Variants in NFX1 observed in about 807,000 individuals in gnomAD.
NFX1 encodes the protein nuclear transcription factor, X-box binding 1.
NFX1 carries 69 observed loss-of-function variants against 137.2 expected under a neutral mutation model. The ratio of observed to expected loss-of-function variants is 0.50; its 90% CI spans 0.41 to 0.61. The LOEUF is 0.61. Among genes scored for constraint, NFX1 ranks in the 20% least tolerant of loss-of-function variants. NFX1 has a pLI of 0.00. For missense variants in NFX1, 1,167 were observed against 1,391.0 expected (o/e 0.84, Z 2.56); for synonymous variants, 495 against 474.1 (o/e 1.04, Z -0.57).
intron 12 of NFX1, among the ~76,000 whole-genome samples, chr9:33,341,272 G>T (rs1377894022): frequency 3.9e-5 from 6 of 152,294 alleles, no homozygotes; most frequent in Non-Finnish European, 1.5e-5. Context: ...GCAGGCAGAG[G>T]GAGAGAGCTT....
At position 33,294,447 on chromosome 9, in the gene NFX1, C is replaced by T. The variant is rs1315984677; in HGVS notation, c.53C>T (p.Ala18Val). Residue 18 changes from alanine to valine, a missense_variant, in exon 2 of 24, where the codon GCT (alanine) becomes GTT (valine). By Grantham distance (64) the Ala-to-Val change is moderately conservative. Coordinates refer to ENST00000379540, the MANE Select transcript of NFX1 (RefSeq NM_002504.6). ...SGTFKFNTDAAEFIPQEKKNS... is the reference protein window; with the variant it reads ...SGTFKFNTDAVEFIPQEKKNS... ...ACTTTTAAATTCAATACAGATGCTG[C>T]TGAATTCATTCCTCAGGAGAAAAAA... 3.8e-6 allele frequency: 6 copies of T among 1,592,356 alleles called. No individual in the cohort carries two copies. The highest frequency in any genetic ancestry group is 5.1e-6 in the Non-Finnish European group (6 of 1,171,462).
At chr9:33,340,719 T>A (rs1042878840) in intron 12 of NFX1, among the ~76,000 whole-genome samples, 8 of 152,254 alleles carry the variant, frequency 5.3e-5, no homozygotes, top group African/African-American at 1.9e-4. Flanking sequence ...TCTTGAATGC[T>A]TCGCTACTTA....
At chr9:33,340,924 A>T (rs1242767639) in intron 12 of NFX1, among the ~76,000 whole-genome samples, 3 of 152,136 alleles carry the variant, frequency 2.0e-5, no homozygotes, top group Admixed American at 2.0e-4. Flanking sequence ...CATTATCAGC[A>T]TTTTGGGCAA....
At chr9:33,317,778 C>A (rs1822226215) in intron 7 of NFX1, among the ~76,000 whole-genome samples, 1 of 151,670 alleles carries the variant, frequency 6.6e-6, no homozygotes, top group African/African-American at 2.4e-5. Flanking sequence ...GAGTTCAAGA[C>A]CAGCCTGGCC....
rs371796314 is a variant in NFX1 at position 33,361,011 on chromosome 9, A to C, written c.2874-2999A>C. ...TCAGACACTGATGGCTAGGGCACTA[A>C]GTGGCATTTCTGGAGACCACTTACT... On this transcript the variant is annotated intron_variant, in intron 19 of 23. Coordinates refer to ENST00000379540, the MANE Select transcript of NFX1 (RefSeq NM_002504.6). Among the ~76,000 whole-genome samples the C allele has an allele frequency of 9.6e-4, 146 of 152,342 alleles. 3 individuals carry two copies. Among genetic ancestry groups the C allele is most frequent in the African/African-American group, 3.3e-3 (139 of 41,582 alleles).
At chr9:33,305,189 C>A (rs1021723369) in intron 4 of NFX1, among the ~76,000 whole-genome samples, 1 of 152,184 alleles carries the variant, frequency 6.6e-6, no homozygotes, top group Admixed American at 6.5e-5. Flanking sequence ...ACACAATTAG[C>A]CTGATACTCT....
intron 1 of NFX1, 86 bp from the exon 2 acceptor site, chr9:33,294,334 G>A (rs949970425): frequency 4.0e-6 from 5 of 1,263,526 alleles, no homozygotes; most frequent in Non-Finnish European, 1.1e-6. Context: ...TCTAAGGAAA[G>A]TAATTTTTAG....
intron 16 of NFX1, 62 bp downstream of exon 16, chr9:33,351,852 G>T: frequency 7.1e-7 from 1 of 1,408,304 alleles, no homozygotes; most frequent in South Asian, 1.4e-5. Context: ...AGTGAATCCA[G>T]AACTGTCTAC....
chr9:33,296,705 C>T (rs1321154328), intron 2 of NFX1, among the ~76,000 whole-genome samples: 2 of 152,244 alleles, frequency 1.3e-5, no homozygotes, highest in Non-Finnish European at 2.9e-5. Flanking sequence ...GCCTGGATAA[C>T]AGAGCAAGAC....
intron 7 of NFX1, among the ~76,000 whole-genome samples, chr9:33,314,841 A>C (rs1822096710): frequency 6.6e-6 from 1 of 152,248 alleles, no homozygotes; most frequent in African/African-American, 2.4e-5. Context: ...GGTGGTGGTC[A>C]CACAGATGTA....
At chr9:33,304,677 CT>C (rs981072855) in intron 4 of NFX1, among the ~76,000 whole-genome samples, 1 of 152,156 alleles carries the variant, frequency 6.6e-6, no homozygotes, top group African/African-American at 2.4e-5. Flanking sequence ...ACTTTGGCCT[CT>C]GTTTTATTTG....
At chr9:33,304,549 C>G (rs996218689) in intron 4 of NFX1, among the ~76,000 whole-genome samples, 4 of 152,206 alleles carry the variant, frequency 2.6e-5, no homozygotes, top group African/African-American at 9.7e-5. Flanking sequence ...GATGCAATAC[C>G]TTGGTGAACT....
rs61227283 is a variant in NFX1, at chr9:33,322,321, G to A, written c.1906+3194G>A. ...CAACAGCAAGAGTCTGTGGCATTGA[G>A]CCCTAGCTAGTTCCTTCCTCCTCCC... On this transcript the variant is annotated intron_variant, in intron 9 of 23. Transcript: ENST00000379540. Among the ~76,000 whole-genome samples, 8 of 152,112 alleles carry A rather than the reference G, an allele frequency of 5.3e-5. No individual in the cohort carries two copies. The East Asian group carries it at 1.5e-3, about 29-fold the overall frequency.
At chr9:33,309,648 G>A (rs1297378718) in intron 5 of NFX1, among the ~76,000 whole-genome samples, 2 of 152,296 alleles carry the variant, frequency 1.3e-5, no homozygotes, top group East Asian at 3.9e-4. Flanking sequence ...AAGTGACAGA[G>A]ACAGGGTCTC....
intron 1 of NFX1, among the ~76,000 whole-genome samples, chr9:33,291,031 C>T (rs1042037813): frequency 3.9e-5 from 6 of 152,220 alleles, no homozygotes; most frequent in African/African-American, 1.2e-4. Context: ...GAGTCTCAGC[C>T]TGCTGCGAAC....
At chr9:33,317,973 CAAAAAAAAAAA>C (rs5897542) in intron 7 of NFX1, among the ~76,000 whole-genome samples, 22 of 44,398 alleles carry the variant, frequency 5.0e-4, no homozygotes, top group African/African-American at 2.0e-3. Flanking sequence ...GACTCTGTCT[CAAAAAAAAAAA>C]AAAAAAAAAA....
intron 1 of NFX1, among the ~76,000 whole-genome samples, chr9:33,293,691 A>G (rs1012309310): frequency 2.6e-5 from 4 of 152,210 alleles, no homozygotes; most frequent in African/African-American, 9.6e-5. Flanking sequence ...GACTGAATTG[A>G]CTGTACCAAG....
rs374033783 is a variant in NFX1, at chr9:33,313,631, C to T, written c.1449-23C>T. The T allele has an allele frequency of 1.2e-5, 20 of 1,612,264 alleles. No homozygotes were observed. The African/African-American group carries it at 2.5e-4, about 20-fold the overall frequency. On this transcript the variant is annotated intron_variant, in intron 6 of 23. Transcript: ENST00000379540. ...ACAGGAACTTTTACACTGATGCTGT[C>T]TTTACATCTATTGTCTTTACAGGCA...
At chr9:33,350,629 TCAAA>T (rs1273789427) in intron 15 of NFX1, among the ~76,000 whole-genome samples, 1 of 152,236 alleles carries the variant, frequency 6.6e-6, no homozygotes, top group Admixed American at 6.5e-5. Context: ...TTTCTTCATC[TCAAA>T]CTAACCTTTC....
Sources: gnomAD v4.1 joint callset for allele counts (sites outside exome capture counted in the v4.1 genomes callset) on GRCh38, gnomAD v4.1.1 for gene constraint, MANE v1.5 for transcripts, NCBI Gene and HGNC (gene_info 2026-07-23, HGNC 2026-07-21) for gene names.